The following C10orf90 variants were observed in gnomAD, a reference collection of about 807,000 sequenced individuals.
C10orf90 encodes the protein (E2-independent) E3 ubiquitin-conjugating enzyme FATS.
C10orf90 carries 56 observed loss-of-function variants against 62.5 expected under a neutral mutation model. The observed-to-expected ratio is 0.90, with a 90% CI of 0.72 to 1.12. C10orf90 has a LOEUF of 1.12. Among genes scored for constraint, C10orf90 ranks in the 50% most tolerant of loss-of-function variants. C10orf90 has a pLI of 0.00. For synonymous variants in C10orf90, 386 were observed against 340.4 expected (o/e 1.13, Z -1.47); for missense variants, 970 against 880.4 (o/e 1.10, Z -1.29).
chr10:126,639,096 G>A (rs148184837), intron 2 of C10orf90, among the ~76,000 whole-genome samples: 5 of 152,306 alleles, frequency 3.3e-5, no homozygotes, highest in East Asian at 1.9e-4. Flanking sequence ...CCAAAAGACC[G>A]TGAGTGGTGG....
Position 126,504,095 on chromosome 10 carries a change from C to T in C10orf90, c.1396G>A (p.Glu466Lys). 6.2e-7 allele frequency: 1 copy of T among 1,613,972 alleles called. No homozygotes were observed. The highest frequency in any genetic ancestry group is 2.2e-5 in the East Asian group (1 of 44,870). The change falls in exon 4 of 10, where the codon GAA (glutamate) becomes AAA (lysine). Residue 466 changes from glutamate to lysine, a missense_variant. Glu to Lys is a moderately conservative substitution (Grantham distance 56, BLOSUM62 1). Transcript: ENST00000488181. The surrounding 1 kb of genome is among the most constrained non-coding windows in gnomAD (Gnocchi z 4.1). ...ACPWSGSFPL[E>K]NTELANVGAN... ...CCCACATTTGCCAATTCTGTGTTTT[C>T]CAATGGAAAAGAACCACTCCAAGGA...
chr10:126,668,041 G>T (rs1846668803), intron 1 of C10orf90, among the ~76,000 whole-genome samples: 1 of 152,112 alleles, frequency 6.6e-6, no homozygotes, highest in Non-Finnish European at 1.5e-5. Flanking sequence ...TCATCCCTGG[G>T]CTGCAGTTCA....
intron 4 of C10orf90, among the ~76,000 whole-genome samples, chr10:126,499,037 G>T (rs553929610): frequency 1.4e-4 from 22 of 152,352 alleles, no homozygotes; most frequent in African/African-American, 5.3e-4. Flanking sequence ...TTATTTGAAT[G>T]CTAGACCAGA....
At chr10:126,663,356 C>T (rs758341438) in intron 1 of C10orf90, among the ~76,000 whole-genome samples, 48 of 151,992 alleles carry the variant, frequency 3.2e-4, no homozygotes, top group Non-Finnish European at 5.4e-4. Flanking sequence ...CCCAGCACCA[C>T]GTGAGAAGTA....
chr10:126,462,225 G>A (rs533179826), intron 5 of C10orf90, among the ~76,000 whole-genome samples: 34 of 152,176 alleles, frequency 2.2e-4, no homozygotes, highest in African/African-American at 7.5e-4. Flanking sequence ...ACTGGACTCA[G>A]CAAGCAACAC....
intron 2 of C10orf90, among the ~76,000 whole-genome samples, chr10:126,536,749 G>A (rs1182697557): frequency 6.6e-6 from 1 of 152,186 alleles, no homozygotes; most frequent in Non-Finnish European, 1.5e-5. Context: ...TGATAAAAAT[G>A]TTTCCCATTC....
At chr10:126,579,336 G>A (rs1169502855) in intron 2 of C10orf90, among the ~76,000 whole-genome samples, 2 of 150,338 alleles carry the variant, frequency 1.3e-5, no homozygotes, top group Admixed American at 6.6e-5. Context: ...TGCCTCTTGG[G>A]TTCAGGCGAT....
At chr10:126,529,759 C>T (rs1215717325) in intron 2 of C10orf90, among the ~76,000 whole-genome samples, 1 of 152,144 alleles carries the variant, frequency 6.6e-6, no homozygotes, top group Non-Finnish European at 1.5e-5. Flanking sequence ...CATGTGTGAT[C>T]AGCAAGCAGC....
intron 2 of C10orf90, among the ~76,000 whole-genome samples, chr10:126,620,734 T>C (rs1350121373): frequency 4.0e-5 from 6 of 148,206 alleles, no homozygotes; most frequent in African/African-American, 1.5e-4. Context: ...TACTGGTCAG[T>C]GGGGGCTAGA....
chr10:126,602,765 T>C (rs1845223812), intron 2 of C10orf90, among the ~76,000 whole-genome samples: 1 of 152,044 alleles, frequency 6.6e-6, no homozygotes, highest in Non-Finnish European at 1.5e-5. Context: ...GGGCTTTTTT[T>C]TTTTTTTTTG....
At chr10:126,613,612 A>G (rs188440196) in intron 2 of C10orf90, among the ~76,000 whole-genome samples, 55 of 152,326 alleles carry the variant, frequency 3.6e-4, no homozygotes, top group African/African-American at 1.2e-3. Context: ...GAAAAACTAT[A>G]TGAAGAAACT....
chr10:126,484,112 C>A (rs1010468025), intron 4 of C10orf90, among the ~76,000 whole-genome samples: 6 of 152,056 alleles, frequency 3.9e-5, no homozygotes, highest in African/African-American at 1.4e-4. Flanking sequence ...AGAAAGTTAT[C>A]CTTCTCTTCA....
chr10:126,512,315 G>C (rs999340966), intron 3 of C10orf90, among the ~76,000 whole-genome samples: 5 of 148,166 alleles, frequency 3.4e-5, no homozygotes, highest in African/African-American at 1.0e-4. Flanking sequence ...GTGTCTGTGT[G>C]TGTGTGTGTT....
intron 1 of C10orf90, among the ~76,000 whole-genome samples, chr10:126,669,600 ACTG>A (rs1846704699): frequency 6.6e-6 from 1 of 152,228 alleles, no homozygotes; most frequent in Non-Finnish European, 1.5e-5. Flanking sequence ...TGAAAAGATA[ACTG>A]CTTGTGGCTG....
intron 4 of C10orf90, among the ~76,000 whole-genome samples, chr10:126,493,905 T>G (rs765839626): frequency 1.2e-4 from 19 of 152,332 alleles, no homozygotes; most frequent in Non-Finnish European, 2.2e-4. Flanking sequence ...ATCTTCCAAA[T>G]GTACAACACT....
chr10:126,659,342 AG>A (rs1846462155), intron 1 of C10orf90, among the ~76,000 whole-genome samples: 1 of 152,202 alleles, frequency 6.6e-6, no homozygotes, highest in Non-Finnish European at 1.5e-5. Context: ...CTGTAAATTG[AG>A]GGCTGAATCA....
intron 2 of C10orf90, among the ~76,000 whole-genome samples, chr10:126,573,540 G>A (rs994453480): frequency 1.3e-5 from 2 of 152,038 alleles, no homozygotes; most frequent in South Asian, 2.1e-4. Context: ...ATCCTTCCTC[G>A]GGGTCTGGAT....
chr10:126,527,358 T>C (rs1007766844), intron 2 of C10orf90, among the ~76,000 whole-genome samples: 1 of 152,240 alleles, frequency 6.6e-6, no homozygotes, highest in Non-Finnish European at 1.5e-5. Context: ...TTGCCTTTCT[T>C]CTTTGGAAAA....
intron 4 of C10orf90, among the ~76,000 whole-genome samples, chr10:126,485,776 T>TAA (rs55941505): frequency 0.2 from 28,936 of 144,806 alleles, 3,181 homozygotes; most frequent in African/African-American, 0.33. Flanking sequence ...CTATCTCTAT[T>TAA]AAAAAAAAAA....
Sources: gnomAD v4.1 joint callset for allele counts (sites outside exome capture counted in the v4.1 genomes callset) on GRCh38, gnomAD v4.1.1 for gene constraint, Gnocchi (gnomAD v3.1) non-coding constraint, MANE v1.5 for transcripts, NCBI Gene and HGNC (gene_info 2026-07-23, HGNC 2026-07-21) for gene names.